BAZ2B: variants seen among roughly 807,000 people sequenced by gnomAD.
BAZ2B encodes bromodomain adjacent to zinc finger domain 2B.
BAZ2B carries 91 observed loss-of-function variants against 246.0 expected under a neutral mutation model. The observed-to-expected ratio is 0.37, with a 90% CI of 0.31 to 0.44. BAZ2B has a LOEUF of 0.44. Among genes scored for constraint, BAZ2B ranks in the 20% least tolerant of loss-of-function variants. The pLI is 1.00. For missense variants in BAZ2B, 2,332 were observed against 2,533.7 expected (o/e 0.92, Z 1.71); for synonymous variants, 855 against 860.0 (o/e 0.99, Z 0.10).
At chr2:159,428,543 C>T (rs915805178) in intron 11 of BAZ2B, 124 bp from the exon 12 acceptor site, 8 of 583,798 alleles carry the variant, frequency 1.4e-5, no homozygotes, top group Non-Finnish European at 5.7e-6. Context: ...AAATAAACTC[C>T]TCAAACAACC....
chr2:159,608,846 T>C (rs1364928224), intron 1 of BAZ2B, among the ~76,000 whole-genome samples: 1 of 152,082 alleles, frequency 6.6e-6, no homozygotes, highest in Non-Finnish European at 1.5e-5. Flanking sequence ...TACAAACCTA[T>C]CCAGCCATTT....
chr2:159,628,092 C>T, the BAZ2B span, among the ~76,000 whole-genome samples: 1 of 152,076 alleles, frequency 6.6e-6, no homozygotes, highest in African/African-American at 2.4e-5. Flanking sequence ...GAATACAATA[C>T]CTAGGAATCC....
Position 159,347,573 on chromosome 2 carries a change from T to G in BAZ2B, c.5367A>C (p.Glu1789Asp), listed in dbSNP as rs2068091813. The change falls in exon 31 of 37, where the codon GAA becomes GAC. Residue 1789 changes from glutamate (E) to aspartate (D), a missense_variant. Physicochemically the swap from Glu to Asp is conservative, Grantham distance 45. This residue lies in a region of BAZ2B where 676 missense variants were observed against 668.6 expected (regional missense o/e 1.01). Transcript: ENST00000392783. ...TCAAATCCATTTCCATTGCTTGTTC[T>G]TCTACTGACCAGTTCTCCACAATAT... Reference protein sequence around the residue: ...TRDIVENWSVEEQAMEMDLSV... With the variant: ...TRDIVENWSVDEQAMEMDLSV... 6.2e-7 allele frequency: 1 copy of G among 1,613,464 alleles called. No homozygotes were observed. The highest frequency in any genetic ancestry group is 8.5e-7 in the Non-Finnish European group (1 of 1,179,612).
rs571978544 is a variant in BAZ2B at position 159,462,161 on chromosome 2, T to TA, written c.146-8361dup. The TA allele has an allele frequency of 9.9e-3, 3,213 of 323,662 alleles. 5 individuals carry two copies. Among genetic ancestry groups the TA allele is most frequent in the Non-Finnish European group, 0.014 (2,390 of 174,110 alleles). 20.0% of individuals were successfully genotyped at this position (323,662 alleles called of 1,614,324 possible). ...TCTCCAACATTAAATGTGGCAGAAT[T>TA]AAAAAAAAAAGACTTACACTTGGAT... is the stretch of plus-strand genomic sequence containing the variant. On this transcript the variant is annotated intron_variant, in intron 3 of 36. Coordinates refer to ENST00000392783, the MANE Select transcript of BAZ2B (RefSeq NM_013450.4).
At chr2:159,605,809 T>C (rs1179142155) in intron 1 of BAZ2B, among the ~76,000 whole-genome samples, 2 of 152,330 alleles carry the variant, frequency 1.3e-5, no homozygotes, top group East Asian at 3.9e-4. Context: ...GCCTTATTCC[T>C]ACCTTCCCAT....
At chr2:159,462,148 A>C (rs2076484920) in intron 3 of BAZ2B, 1 of 339,556 alleles carries the variant, frequency 2.9e-6, no homozygotes, top group Admixed American at 4.7e-5. Flanking sequence ...TCCAACATTA[A>C]ATGTGGCAGA....
the BAZ2B span, among the ~76,000 whole-genome samples, chr2:159,709,135 G>GAAA: frequency 8.3e-6 from 1 of 120,566 alleles, no homozygotes; most frequent in Non-Finnish European, 1.9e-5. Flanking sequence ...TTTTGGGCTG[G>GAAA]ATAAAAAAAG....
At chr2:159,613,557 A>G (rs1026934695) in intron 1 of BAZ2B, among the ~76,000 whole-genome samples, 1 of 151,564 alleles carries the variant, frequency 6.6e-6, no homozygotes, top group South Asian at 2.1e-4. Flanking sequence ...ACTTTTTTCT[A>G]TCTGAACCAT....
At chr2:159,394,288 C>G (rs2063712752) in intron 20 of BAZ2B, among the ~76,000 whole-genome samples, 1 of 152,080 alleles carries the variant, frequency 6.6e-6, no homozygotes, top group Non-Finnish European at 1.5e-5. Context: ...TAATTAGTCC[C>G]CTTCCTTACT....
intron 10 of BAZ2B, 42 bp downstream of exon 10, chr2:159,430,821 T>C (rs766254769): frequency 6.4e-7 from 1 of 1,570,002 alleles, no homozygotes; most frequent in Non-Finnish European, 8.6e-7. Context: ...CTTGCTATGG[T>C]TTGACTTCTA....
intron 10 of BAZ2B, among the ~76,000 whole-genome samples, chr2:159,429,862 C>G (rs993076000): frequency 1.3e-5 from 2 of 151,992 alleles, no homozygotes; most frequent in African/African-American, 4.8e-5. Context: ...GAAAGTAAAG[C>G]TAGAAACTGA....
intron 27 of BAZ2B, among the ~76,000 whole-genome samples, chr2:159,364,347 T>C (rs2060005357): frequency 6.6e-6 from 1 of 152,196 alleles, no homozygotes; most frequent in South Asian, 2.1e-4. Context: ...GCGTGAATTC[T>C]AGTTGTTTCT....
intron 2 of BAZ2B, among the ~76,000 whole-genome samples, chr2:159,534,965 G>A (rs925238969): frequency 3.9e-5 from 6 of 151,976 alleles, no homozygotes; most frequent in South Asian, 2.1e-4. Context: ...TTTAACAAAC[G>A]TAAAAAAGGG....
chr2:159,643,772 A>G, the BAZ2B span, among the ~76,000 whole-genome samples: 10 of 149,096 alleles, frequency 6.7e-5, no homozygotes, highest in Admixed American at 6.8e-4. Context: ...GCTACTCAGG[A>G]GGCTGAAGCA....
At chr2:159,508,196 T>TCATA (rs2082538705) in intron 2 of BAZ2B, among the ~76,000 whole-genome samples, 1 of 152,202 alleles carries the variant, frequency 6.6e-6, no homozygotes, top group Non-Finnish European at 1.5e-5. Flanking sequence ...AAATATGGGC[T>TCATA]ATTATACAGC....
rs758540523 is a variant in BAZ2B, at chr2:159,349,102, G to A, written c.5042C>T (p.Pro1681Leu). The change falls in exon 29 of 37, where the codon CCA (proline) becomes CTA (leucine). Residue 1681 changes from proline to leucine, a missense_variant. By Grantham distance (98) the Pro-to-Leu change is moderately conservative (BLOSUM62 -3). This residue lies in a region of BAZ2B where 676 missense variants were observed against 668.6 expected (regional missense o/e 1.01). Transcript: ENST00000392783. Reference sequence around the variant, plus strand: ...AGTGGCCTTTTCATTCTGTGGTACTGGAGATTCACTTTTACTTGAAGCAAC... The same window carrying A: ...AGTGGCCTTTTCATTCTGTGGTACTAGAGATTCACTTTTACTTGAAGCAAC... ...SNVASSKSESPVPQNEKATSA... is the reference protein window; with the variant it reads ...SNVASSKSESLVPQNEKATSA... 2.5e-6 allele frequency: 4 copies of A among 1,613,922 alleles called. No individual in the cohort carries two copies. The highest frequency in any genetic ancestry group is 3.4e-6 in the Non-Finnish European group (4 of 1,179,958).
In BAZ2B at chr2:159,332,655, T is replaced by C; in HGVS notation, c.5828A>G (p.Glu1943Gly). The change falls in exon 34 of 37, where the codon GAA (glutamate) becomes GGA (glycine). Residue 1943 changes from glutamate (E) to glycine (G), a missense_variant. Physicochemically the swap from Glu to Gly is moderately conservative, Grantham distance 98. Coordinates refer to ENST00000392783, the MANE Select transcript of BAZ2B (RefSeq NM_013450.4). ...GCCATCACAAAGAAGAAGCAGTTCTTCATTATCTCCCTTTCGACAGATTTG... is the reference window on the plus strand; with the variant it reads ...GCCATCACAAAGAAGAAGCAGTTCTCCATTATCTCCCTTTCGACAGATTTG... ...YCQICRKGDN[E>G]ELLLLCDGCD... 2.5e-6 allele frequency: 4 copies of C among 1,614,044 alleles called. No individual in the cohort carries two copies. The highest frequency in any genetic ancestry group is 3.4e-6 in the Non-Finnish European group (4 of 1,179,966).
chr2:159,332,452 A>T (rs1296310721), intron 34 of BAZ2B, 88 bp downstream of exon 34: 1 of 1,324,820 alleles, frequency 7.5e-7, no homozygotes, highest in Non-Finnish European at 1.0e-6. Context: ...ATACCACTGC[A>T]CTCCAGCCTG....
intron 2 of BAZ2B, among the ~76,000 whole-genome samples, chr2:159,498,456 G>C (rs1322032717): frequency 2.0e-5 from 3 of 152,088 alleles, no homozygotes; most frequent in Non-Finnish European, 4.4e-5. Flanking sequence ...CTTTACCTTA[G>C]CTTTAGATAA....
Sources: allele counts gnomAD v4.1 joint callset (sites outside exome capture counted in the v4.1 genomes callset), GRCh38; gene constraint gnomAD v4.1.1; regional missense constraint gnomAD v4.1.1; transcripts MANE v1.5; gene names NCBI Gene and HGNC (gene_info 2026-07-23, HGNC 2026-07-21).